The following IGF1R variants were observed in gnomAD, a reference collection of about 807,000 sequenced individuals.
IGF1R encodes the protein insulin like growth factor 1 receptor.
IGF1R carries 44 observed loss-of-function variants against 144.6 expected under a neutral mutation model. That is an observed-to-expected ratio of 0.30 (90% CI 0.24 to 0.39). The LOEUF (loss-of-function observed/expected upper bound fraction) is 0.39. IGF1R is among the 10% of genes least tolerant of loss of function. The probability of loss-of-function intolerance (pLI) is 1.00; values close to 1 mark genes in which losing one functional copy is unlikely to be tolerated. For missense variants in IGF1R, 1,355 were observed against 1,833.7 expected (o/e 0.74, Z 4.77); for synonymous variants, 795 against 722.8 (o/e 1.10, Z -1.60).
chr15:98,763,044 C>CA (rs58091658), intron 2 of IGF1R, among the ~76,000 whole-genome samples: 8,023 of 134,500 alleles, frequency 0.06, 260 homozygotes, highest in East Asian at 0.11. Flanking sequence ...GGTTCCATCT[C>CA]AAAAAAAAAA....
rs2017328939 is a variant in IGF1R, at chr15:98,964,005, T to TGC, written c.*6564_*6565dup. On this transcript the variant is annotated 3_prime_UTR_variant, in exon 21 of 21. Coordinates refer to ENST00000650285, the MANE Select transcript of IGF1R (RefSeq NM_000875.5). ...AACTTTTCATTTGGATGTTTGGCGT[T>TGC]GCACACACACATCCACCGGTGGAAG... 1 of 233,118 alleles carries TGC rather than the reference T, an allele frequency of 4.3e-6. No homozygotes were observed. Among genetic ancestry groups the TGC allele is most frequent in the South Asian group, 1.8e-4 (1 of 5,528 alleles). 14.4% of individuals were successfully genotyped at this position (233,118 alleles called of 1,614,324 possible).
chr15:98,921,323 G>T (rs1218878487), intron 10 of IGF1R, among the ~76,000 whole-genome samples: 2 of 152,196 alleles, frequency 1.3e-5, no homozygotes, highest in Non-Finnish European at 2.9e-5. Context: ...GCAGCAATTA[G>T]AGGGTCGCAC....
chr15:98,656,952 T>A (rs1017645270), intron 1 of IGF1R, among the ~76,000 whole-genome samples: 1 of 152,278 alleles, frequency 6.6e-6, no homozygotes, highest in Non-Finnish European at 1.5e-5. Context: ...AATACCACTT[T>A]AAAAATTACT....
intron 2 of IGF1R, among the ~76,000 whole-genome samples, chr15:98,742,870 C>G (rs1047947588): frequency 2.0e-5 from 3 of 151,988 alleles, no homozygotes; most frequent in Non-Finnish European, 4.4e-5. Flanking sequence ...AACCCCGTCT[C>G]TACTAAAAAT....
In IGF1R at chr15:98,913,009, G is replaced by A. The variant is rs369950738; in HGVS notation, c.1590-35G>A. 11 of 1,486,608 alleles carry A rather than the reference G, an allele frequency of 7.4e-6. No individual in the cohort carries two copies. The African/African-American group carries it at 1.5e-4, about 20-fold the overall frequency. The allele number at this position is 1,486,608 out of a possible 1,614,324, so 92.1% of individuals were successfully genotyped here. On this transcript the variant is annotated intron_variant, in intron 7 of 20. Transcript: ENST00000650285. ...GATTTTTGAGGGTTTTGATGTCAGA[G>A]CCCCGAACTTTCTCTGAACTTAATT...
intron 2 of IGF1R, among the ~76,000 whole-genome samples, chr15:98,867,980 C>T (rs1197044593): frequency 2.0e-5 from 3 of 152,124 alleles, no homozygotes; most frequent in Admixed American, 6.5e-5. Flanking sequence ...GCGGGCAGAT[C>T]GCTTGAGGTC....
At chr15:98,786,080 G>A (rs1216477647) in intron 2 of IGF1R, among the ~76,000 whole-genome samples, 1 of 152,164 alleles carries the variant, frequency 6.6e-6, no homozygotes, top group Non-Finnish European at 1.5e-5. Context: ...CAGAAATCAC[G>A]TGCACTCCTA....
intron 2 of IGF1R, among the ~76,000 whole-genome samples, chr15:98,846,083 C>A (rs1392680892): frequency 1.3e-5 from 2 of 152,198 alleles, no homozygotes; most frequent in African/African-American, 4.8e-5. Context: ...GAGTCTCTGA[C>A]ATCAGCTAAA....
At chr15:98,939,634 C>G (rs2016292047) in intron 18 of IGF1R, among the ~76,000 whole-genome samples, 1 of 152,214 alleles carries the variant, frequency 6.6e-6, no homozygotes. Flanking sequence ...GGTAGAACAC[C>G]TCTTAGCATT....
At chr15:98,906,102 A>G (rs1251148169) in intron 5 of IGF1R, among the ~76,000 whole-genome samples, 1 of 152,188 alleles carries the variant, frequency 6.6e-6, no homozygotes, top group Non-Finnish European at 1.5e-5. Context: ...CTGTAAAAAG[A>G]TAATCTTGCT....
In IGF1R at chr15:98,916,823, T is replaced by A. The variant is rs375076868; in HGVS notation, c.2148T>A (p.Ala716=). Residue 716 remains alanine (A), a synonymous_variant, in exon 10 of 21, where the codon GCT becomes GCA. Coordinates refer to ENST00000650285, the MANE Select transcript of IGF1R (RefSeq NM_000875.5). ...AGAAGCAGGCCGAGAAGGAGGAGGC[T>A]GAATACCGCAAAGTCTTTGAGAATT... ...EAEKQAEKEE[A]EYRKVFENFL... 3.7e-6 allele frequency: 6 copies of A among 1,613,956 alleles called. No individual in the cohort carries two copies. The highest frequency in any genetic ancestry group is 2.2e-5 in the East Asian group (1 of 44,884).
At chr15:98,666,718 A>C (rs185235066) in intron 1 of IGF1R, among the ~76,000 whole-genome samples, 2 of 151,968 alleles carry the variant, frequency 1.3e-5, no homozygotes, top group Non-Finnish European at 2.9e-5. Flanking sequence ...TAGAATGGTG[A>C]GGGGCGGTGA....
intron 2 of IGF1R, among the ~76,000 whole-genome samples, chr15:98,844,218 C>G (rs1049037701): frequency 6.6e-6 from 1 of 151,950 alleles, no homozygotes; most frequent in African/African-American, 2.4e-5. Context: ...AGCTTACTGA[C>G]AAAAAGAAAA....
At chr15:98,660,070 C>T (rs374325663) in intron 1 of IGF1R, 3 of 152,178 alleles carry the variant, frequency 2.0e-5, no homozygotes, top group South Asian at 4.1e-4. Flanking sequence ...TTCAGTTTTA[C>T]GTGTCAAAAG....
intron 1 of IGF1R, among the ~76,000 whole-genome samples, chr15:98,682,873 T>C (rs1281091265): frequency 6.6e-6 from 1 of 152,082 alleles, no homozygotes; most frequent in Non-Finnish European, 1.5e-5. Context: ...TCATACCTAC[T>C]GTCTTATTTG....
chr15:98,888,814 C>G (rs535436541), intron 2 of IGF1R, among the ~76,000 whole-genome samples: 5 of 152,312 alleles, frequency 3.3e-5, no homozygotes, highest in African/African-American at 1.2e-4. Flanking sequence ...GTATGTCTCT[C>G]ACATCTAAAG....
chr15:98,792,025 G>A (rs544300811), intron 2 of IGF1R, among the ~76,000 whole-genome samples: 1 of 152,200 alleles, frequency 6.6e-6, no homozygotes, highest in African/African-American at 2.4e-5. Flanking sequence ...CTCCCTGTTT[G>A]TGGGGCCCAG....
At chr15:98,950,639 C>G (rs933611017) in intron 20 of IGF1R, among the ~76,000 whole-genome samples, 2 of 152,214 alleles carry the variant, frequency 1.3e-5, no homozygotes, top group Non-Finnish European at 1.5e-5. Flanking sequence ...GGACAGCTCT[C>G]TACTGCTTCT....
At chr15:98,931,847 C>G (rs1596465329) in intron 15 of IGF1R, among the ~76,000 whole-genome samples, 1 of 152,136 alleles carries the variant, frequency 6.6e-6, no homozygotes, top group Admixed American at 6.5e-5. Context: ...GCGAGACTGG[C>G]TCTTAAAATC....
Sources: allele counts gnomAD v4.1 joint callset (sites outside exome capture counted in the v4.1 genomes callset), GRCh38; gene constraint gnomAD v4.1.1; transcripts MANE v1.5; gene names NCBI Gene and HGNC (gene_info 2026-07-23, HGNC 2026-07-21).